TPRG1: variants seen among roughly 807,000 people sequenced by gnomAD.
TPRG1 encodes the protein tumor protein p63-regulated gene 1 protein.
In TPRG1, 29 loss-of-function variants were observed where a neutral mutation model predicts 29.3. The observed-to-expected ratio is 0.99, with a 90% CI of 0.74 to 1.35. TPRG1 has a LOEUF of 1.35. TPRG1 is among the 40% of genes most tolerant of loss of function. TPRG1 has a pLI of 0.00. For missense variants in TPRG1, 327 were observed against 335.0 expected (o/e 0.98, Z 0.19); for synonymous variants, 130 against 116.8 (o/e 1.11, Z -0.73).
rs1242112694 is a variant in TPRG1 at position 189,323,672 on chromosome 3, A to G, written c.*2852A>G. ...CAGGGAGCCACAACCCAGGGGACCT[A>G]TGTGTACACTTGGAGTTTTTATCAG... On this transcript the variant is annotated 3_prime_UTR_variant, in exon 6 of 6. Transcript: ENST00000345063. The G allele has an allele frequency of 6.6e-6, 1 of 152,132 alleles. No individual in the cohort carries two copies. Among genetic ancestry groups the G allele is most frequent in the African/African-American group, 2.4e-5 (1 of 41,438 alleles). The allele number at this position is 152,132 out of a possible 1,614,324, so 9.4% of individuals were successfully genotyped here. A position where few individuals can be genotyped will look rare whatever the true frequency, so the allele number is the denominator to read the frequency against.
At chr3:189,180,256 C>A (rs1222257326) in intron 1 of TPRG1, among the ~76,000 whole-genome samples, 1 of 152,106 alleles carries the variant, frequency 6.6e-6, no homozygotes, top group Non-Finnish European at 1.5e-5. Context: ...TCTGGTCGCT[C>A]CCAAATCTCA....
chr3:189,215,308 C>A lies in TPRG1; in HGVS notation c.227C>A (p.Thr76Asn), dbSNP rs748674911. The change falls in exon 3 of 6, where the codon ACT becomes AAT. Residue 76 changes from threonine to asparagine, a missense_variant. By Grantham distance (65) the Thr-to-Asn change is moderately conservative. Transcript: ENST00000345063. Reference protein sequence around the residue: ...YFATRPGAIETAMEDLKGHVA... With the variant: ...YFATRPGAIENAMEDLKGHVA... ...TCCACACAGCCGGGGGCCATTGAGA[C>A]TGCCATGGAAGACTTGAAAGGTCAC... is the stretch of plus-strand genomic sequence containing the variant. 1.2e-6 allele frequency: 2 copies of A among 1,612,364 alleles called. No individual in the cohort carries two copies. Among genetic ancestry groups the A allele is most frequent in the African/African-American group, 1.3e-5 (1 of 74,784 alleles).
At chr3:189,017,590 T>C (rs1003422254) in intron 3 of TPRG1, among the ~76,000 whole-genome samples, 8 of 152,216 alleles carry the variant, frequency 5.3e-5, no homozygotes, top group African/African-American at 1.9e-4. Context: ...TAGTATTCCA[T>C]GGTGTATATG....
At chr3:189,067,274 C>G (rs934445431) in intron 4 of TPRG1, among the ~76,000 whole-genome samples, 9 of 152,078 alleles carry the variant, frequency 5.9e-5, no homozygotes, top group African/African-American at 1.9e-4. Context: ...TCAGTGCAAT[C>G]TCTATCAAAA....
At chr3:189,315,143 A>G (rs1252657049) in intron 5 of TPRG1, among the ~76,000 whole-genome samples, 1 of 152,082 alleles carries the variant, frequency 6.6e-6, no homozygotes, top group Non-Finnish European at 1.5e-5. Flanking sequence ...TAGATGACAG[A>G]GCAAGATTTT....
chr3:189,226,191 A>C (rs1177670198), intron 3 of TPRG1, among the ~76,000 whole-genome samples: 1 of 152,208 alleles, frequency 6.6e-6, no homozygotes, highest in Non-Finnish European at 1.5e-5. Context: ...CAATAACAGC[A>C]GAATGCACAT....
chr3:189,310,468 G>T lies in TPRG1; in HGVS notation c.562G>T (p.Glu188Ter). The T allele has an allele frequency of 6.2e-7, 1 of 1,612,872 alleles. No individual in the cohort carries two copies. Among genetic ancestry groups the T allele is most frequent in the Non-Finnish European group, 8.5e-7 (1 of 1,179,510 alleles). The change falls in exon 5 of 6, where the codon GAA (glutamate) becomes TAA (stop). Residue 188 changes from glutamate to a stop codon, truncating the protein, a stop_gained. Transcript: ENST00000345063. LOFTEE classifies it high-confidence loss of function. ...LLSRWNPWSTEVPYATFTEHP... is the reference protein window; with the variant it reads ...LLSRWNPWST ...GTCCCGCTGGAACCCATGGTCCACT[G>T]AAGTTCCTTATGCTACTTTCACTGA... is the stretch of plus-strand genomic sequence containing the variant.
At chr3:189,180,902 C>T (rs1730127582) in intron 1 of TPRG1, among the ~76,000 whole-genome samples, 1 of 152,200 alleles carries the variant, frequency 6.6e-6, no homozygotes, top group Non-Finnish European at 1.5e-5. Flanking sequence ...CAGCAGACTT[C>T]TGCCTGGACA....
At chr3:189,023,141 G>A (rs1001566425) in intron 3 of TPRG1, among the ~76,000 whole-genome samples, 1 of 152,232 alleles carries the variant, frequency 6.6e-6, no homozygotes, top group African/African-American at 2.4e-5. Context: ...ACTCCCTAGT[G>A]AGATGAACCC....
intron 5 of TPRG1, among the ~76,000 whole-genome samples, chr3:189,160,068 C>T (rs577389829): frequency 4.6e-5 from 7 of 152,068 alleles, no homozygotes; most frequent in East Asian, 3.9e-4. Flanking sequence ...GGGGGTCAAC[C>T]GAATGCTAAA....
intron 5 of TPRG1, chr3:189,315,584 A>G: frequency 2.3e-6 from 1 of 436,140 alleles, no homozygotes; most frequent in Non-Finnish European, 4.6e-6. Context: ...AACCATCATG[A>G]TCTACAGACC....
chr3:189,111,215 T>C (rs1720481432), intron 1 of TPRG1, among the ~76,000 whole-genome samples: 1 of 152,064 alleles, frequency 6.6e-6, no homozygotes, highest in African/African-American at 2.4e-5. Context: ...GAACATAGTA[T>C]ATATCTCCTT....
At chr3:189,250,565 A>G (rs1179304717) in intron 4 of TPRG1, among the ~76,000 whole-genome samples, 2 of 126,828 alleles carry the variant, frequency 1.6e-5, no homozygotes, top group Non-Finnish European at 3.1e-5. Flanking sequence ...GACTAATTTG[A>G]TTGTTATCTT....
intron 4 of TPRG1, among the ~76,000 whole-genome samples, chr3:189,087,276 C>T (rs1718011450): frequency 6.6e-6 from 1 of 152,134 alleles, no homozygotes; most frequent in Non-Finnish European, 1.5e-5. Flanking sequence ...AGCATTTTTT[C>T]CTGTGTCTGT....
chr3:189,200,029 C>T lies in TPRG1; in HGVS notation c.-9-7347C>T, dbSNP rs375131938. Among the ~76,000 whole-genome samples, 4 of 152,326 alleles carry T rather than the reference C, an allele frequency of 2.6e-5. No individual in the cohort carries two copies. In the East Asian group the frequency reaches 7.7e-4, roughly 29 times the overall value. ...AGCAAGAAAGTGACCTACCCAGGGT[C>T]ACTCTGAGGGGACGGCAAAAGAGTG... On this transcript the variant is annotated intron_variant, in intron 1 of 5. Transcript: ENST00000345063.
At chr3:189,240,962 C>A (rs1740478658) in intron 4 of TPRG1, among the ~76,000 whole-genome samples, 1 of 152,086 alleles carries the variant, frequency 6.6e-6, no homozygotes, top group Non-Finnish European at 1.5e-5. Flanking sequence ...TTTAATAGTG[C>A]AGAATATTAC....
intron 5 of TPRG1, among the ~76,000 whole-genome samples, chr3:189,163,977 G>T (rs1727827002): frequency 1.6e-5 from 2 of 123,838 alleles, no homozygotes; most frequent in South Asian, 2.7e-4. Context: ...TTCAAATAAG[G>T]TAAACTTTTT....
At chr3:189,025,816 A>C (rs953085975) in intron 4 of TPRG1, among the ~76,000 whole-genome samples, 9 of 152,348 alleles carry the variant, frequency 5.9e-5, no homozygotes, top group Admixed American at 2.6e-4. Context: ...ATCAGTTGAC[A>C]TATCTACAGT....
At chr3:189,319,583 C>T (rs1577060857) in intron 5 of TPRG1, among the ~76,000 whole-genome samples, 1 of 152,178 alleles carries the variant, frequency 6.6e-6, no homozygotes, top group African/African-American at 2.4e-5. Context: ...GCTACACTGT[C>T]CAAGCCACCG....
Sources: gnomAD v4.1 joint callset for allele counts (sites outside exome capture counted in the v4.1 genomes callset) on GRCh38, gnomAD v4.1.1 for gene constraint, MANE v1.5 for transcripts, NCBI Gene and HGNC (gene_info 2026-07-23, HGNC 2026-07-21) for gene names.